The following CCDC73 variants were observed in gnomAD, a reference collection of about 807,000 sequenced individuals.
CCDC73 encodes coiled-coil domain containing 73.
A neutral mutation model predicts 116.5 loss-of-function variants in CCDC73; 95 were observed. The observed-to-expected ratio is 0.82, with a 90% CI of 0.69 to 0.97. The LOEUF (loss-of-function observed/expected upper bound fraction) is 0.97. Among genes scored for constraint, CCDC73 ranks in the 50% least tolerant of loss-of-function variants. The pLI is 0.00. For missense variants in CCDC73, 1,066 were observed against 1,206.8 expected (o/e 0.88, Z 1.73); for synonymous variants, 398 against 401.3 (o/e 0.99, Z 0.10).
At chr11:32,819,410 A>G in the CCDC73 span, among the ~76,000 whole-genome samples, 1 of 152,182 alleles carries the variant, frequency 6.6e-6, no homozygotes, top group African/African-American at 2.4e-5. Flanking sequence ...TGGGGAACTT[A>G]AAGAACTACA....
intron 3 of CCDC73, among the ~76,000 whole-genome samples, chr11:32,710,032 G>A (rs1436883636): frequency 6.6e-6 from 1 of 152,114 alleles, no homozygotes; most frequent in East Asian, 1.9e-4. Flanking sequence ...TTGTATTTCT[G>A]TGGTATCAGT....
At chr11:32,666,428 C>T (rs1210894854) in intron 9 of CCDC73, among the ~76,000 whole-genome samples, 1 of 152,182 alleles carries the variant, frequency 6.6e-6, no homozygotes, top group South Asian at 2.1e-4. Flanking sequence ...ATCACTGGTA[C>T]TCTTTCTTCC....
the CCDC73 span, among the ~76,000 whole-genome samples, chr11:32,800,388 C>T: frequency 7.2e-5 from 11 of 152,038 alleles, no homozygotes; most frequent in African/African-American, 2.7e-4. Context: ...CAAGCCACTG[C>T]ACTTCAGCCT....
chr11:32,697,629 G>A (rs4756170), intron 6 of CCDC73, among the ~76,000 whole-genome samples: 40,998 of 151,422 alleles, frequency 0.27, 6,420 homozygotes, highest in East Asian at 0.79. Context: ...GACTAGAGGC[G>A]CCTGCCACCA....
At chr11:32,704,528 G>A (rs544911411) in intron 3 of CCDC73, among the ~76,000 whole-genome samples, 9 of 152,174 alleles carry the variant, frequency 5.9e-5, no homozygotes, top group Admixed American at 1.3e-4. Context: ...GGCTCAGCGC[G>A]GGCCCACAGG....
At chr11:32,610,890 T>C (rs1855415786) in intron 17 of CCDC73, among the ~76,000 whole-genome samples, 1 of 152,220 alleles carries the variant, frequency 6.6e-6, no homozygotes, top group Non-Finnish European at 1.5e-5. Context: ...TAGAAGTACA[T>C]ATCCGATGCC....
At chr11:32,824,605 A>G in the CCDC73 span, among the ~76,000 whole-genome samples, 1 of 152,200 alleles carries the variant, frequency 6.6e-6, no homozygotes, top group African/African-American at 2.4e-5. Context: ...GTCCTGCTAC[A>G]TGCCAGCCAG....
chr11:32,823,982 C>T, the CCDC73 span, among the ~76,000 whole-genome samples: 8 of 152,308 alleles, frequency 5.3e-5, no homozygotes, highest in South Asian at 2.1e-4. Flanking sequence ...GCAACCTCCA[C>T]CTCCCAGGTT....
upstream of CCDC73, among the ~76,000 whole-genome samples, chr11:32,797,639 C>T (rs1314878724): frequency 6.6e-6 from 1 of 152,194 alleles, no homozygotes; most frequent in Non-Finnish European, 1.5e-5. Context: ...TATACACTTT[C>T]TCTCTCCTAA....
intron 4 of CCDC73, 55 bp downstream of exon 4, chr11:32,702,818 G>C (rs1192607571): frequency 5.2e-6 from 6 of 1,157,274 alleles, no homozygotes; most frequent in Non-Finnish European, 2.6e-6. Context: ...TTCATAGGAG[G>C]GGGAGGAAAT....
intron 14 of CCDC73, among the ~76,000 whole-genome samples, chr11:32,622,282 G>A (rs562028802): frequency 1.6e-3 from 247 of 152,222 alleles, no homozygotes; most frequent in African/African-American, 5.7e-3. Flanking sequence ...ATGATAGACC[G>A]GATAAAGAAA....
chr11:32,643,049 TAA>T (rs556117711), intron 12 of CCDC73, among the ~76,000 whole-genome samples: 2 of 148,206 alleles, frequency 1.3e-5, no homozygotes, highest in African/African-American at 4.9e-5. Flanking sequence ...TGCTTTTCTT[TAA>T]AAAAAAAAGT....
chr11:32,614,737 T>C lies in CCDC73; in HGVS notation c.1581A>G (p.Gly527=), dbSNP rs1565056942. 5 of 1,612,520 alleles carry C rather than the reference T, an allele frequency of 3.1e-6. No homozygotes were observed. The Admixed American group carries it at 6.7e-5, about 22-fold the overall frequency. The change falls in exon 16 of 18, where the codon GGA becomes GGG. Residue 527 remains glycine (G), a synonymous_variant. Transcript: ENST00000335185. ...KDKICLEKDN[G]CTEFKSPNNH... ...TATTTGGTGATTTAAATTCTGTACATCCATTGTCTTTTTCCAAGCATATCT... is the reference window on the plus strand; with the variant it reads ...TATTTGGTGATTTAAATTCTGTACACCCATTGTCTTTTTCCAAGCATATCT...
At chr11:32,645,415 C>T (rs1353634125) in intron 12 of CCDC73, among the ~76,000 whole-genome samples, 2 of 151,924 alleles carry the variant, frequency 1.3e-5, no homozygotes, top group African/African-American at 4.8e-5. Flanking sequence ...CCTCAGCCCC[C>T]TGAGTAGCTG....
intron 13 of CCDC73, among the ~76,000 whole-genome samples, chr11:32,636,910 C>T (rs1462914180): frequency 6.6e-6 from 1 of 151,952 alleles, no homozygotes; most frequent in Non-Finnish European, 1.5e-5. Context: ...CTCAATCTCT[C>T]ACACTACACC....
At chr11:32,815,474 TAC>T in the CCDC73 span, among the ~76,000 whole-genome samples, 1 of 149,880 alleles carries the variant, frequency 6.7e-6, no homozygotes, top group Non-Finnish European at 1.5e-5. Flanking sequence ...CGCTGGGATT[TAC>T]AGGCGTGAGC....
At chr11:32,637,019 T>TTTTC (rs200241785) in intron 13 of CCDC73, among the ~76,000 whole-genome samples, 12 of 132,106 alleles carry the variant, frequency 9.1e-5, no homozygotes, top group South Asian at 5.0e-4. Context: ...TTCTTTTTCT[T>TTTTC]TTTTTTTTTT....
At chr11:32,796,873 G>T (rs1452757537), upstream of CCDC73, among the ~76,000 whole-genome samples, 1 of 151,998 alleles carries the variant, frequency 6.6e-6, no homozygotes, top group East Asian at 1.9e-4. Context: ...AGCCGGGCAT[G>T]GTGGCAGGTG....
At chr11:32,807,756 A>G in the CCDC73 span, among the ~76,000 whole-genome samples, 1 of 152,234 alleles carries the variant, frequency 6.6e-6, no homozygotes, top group African/African-American at 2.4e-5. Flanking sequence ...GTAGCAAGAA[A>G]GCAACTACTG....
Sources: gnomAD v4.1 joint callset for allele counts (sites outside exome capture counted in the v4.1 genomes callset) on GRCh38, gnomAD v4.1.1 for gene constraint, MANE v1.5 for transcripts, NCBI Gene and HGNC (gene_info 2026-07-23, HGNC 2026-07-21) for gene names.